Variants in PCDH15 observed in about 807,000 individuals in gnomAD.
PCDH15 encodes the protein protocadherin related 15.
In PCDH15, 129 loss-of-function variants were observed where a neutral mutation model predicts 178.5. That is an observed-to-expected ratio of 0.72 (90% confidence interval 0.63 to 0.84). The LOEUF (loss-of-function observed/expected upper bound fraction) is 0.84, where lower values mean the gene tolerates loss of function less well. PCDH15 is among the 40% of genes least tolerant of loss of function. PCDH15 has a pLI of 0.00. For synonymous variants in PCDH15, 800 were observed against 732.0 expected, an observed-to-expected ratio of 1.09 and a Z score of -1.50; for missense variants, 2,230 against 2,099.9, an observed-to-expected ratio of 1.06 and a Z score of -1.21.
Position 53,859,327 on chromosome 10 carries a change from T to C in PCDH15, c.3718-2064A>G, listed in dbSNP as rs991643793. 8.5e-5 allele frequency among the ~76,000 whole-genome samples: 13 copies of C among 152,128 alleles called. No homozygotes were observed. The East Asian group carries it at 2.5e-3, about 29-fold the overall frequency. On this transcript the variant is annotated intron_variant, in intron 27 of 37. Coordinates refer to ENST00000644397, the MANE Select transcript of PCDH15 (RefSeq NM_001384140.1). ...AGCTCCTGGACCATGATGTGGGTTA[T>C]GGATAGGGTGAGTAGTAGGGAACAT...
intron 3 of PCDH15, among the ~76,000 whole-genome samples, chr10:54,503,264 T>TGTGA (rs35648214): frequency 0.12 from 16,072 of 137,268 alleles, 1,305 homozygotes; most frequent in East Asian, 0.29. Context: ...TGTGTGTGTG[T>TGTGA]GATTATATAT....
At chr10:55,058,621 A>C (rs773738774) in intron 2 of PCDH15, among the ~76,000 whole-genome samples, 5 of 152,210 alleles carry the variant, frequency 3.3e-5, no homozygotes, top group Non-Finnish European at 7.3e-5. Flanking sequence ...TGAAATTAAT[A>C]CACATAATGT....
chr10:54,440,699 A>T (rs1404014591), intron 3 of PCDH15, among the ~76,000 whole-genome samples: 1 of 151,968 alleles, frequency 6.6e-6, no homozygotes, highest in African/African-American at 2.4e-5. Flanking sequence ...ATAACTGCTC[A>T]ATATTTTGGT....
At chr10:55,057,491 A>T (rs993289286) in intron 2 of PCDH15, among the ~76,000 whole-genome samples, 2 of 152,138 alleles carry the variant, frequency 1.3e-5, no homozygotes, top group Non-Finnish European at 2.9e-5. Flanking sequence ...TCAAGAAGCA[A>T]TTTGAGCCCT....
At chr10:54,206,018 C>T (rs1228388932) in intron 10 of PCDH15, among the ~76,000 whole-genome samples, 1 of 151,898 alleles carries the variant, frequency 6.6e-6, no homozygotes, top group Non-Finnish European at 1.5e-5. Context: ...TTTATAAAGC[C>T]TTGTAATATA....
chr10:54,443,481 T>C (rs1396634687), intron 3 of PCDH15, among the ~76,000 whole-genome samples: 1 of 151,002 alleles, frequency 6.6e-6, no homozygotes, highest in Non-Finnish European at 1.5e-5. Context: ...TCTACACAAA[T>C]GTATCAACAA....
intron 3 of PCDH15, among the ~76,000 whole-genome samples, chr10:54,427,847 C>T (rs1468898645): frequency 6.6e-6 from 1 of 152,126 alleles, no homozygotes; most frequent in East Asian, 1.9e-4. Flanking sequence ...AATTCCCTTT[C>T]CTTGAAATTG....
At chr10:55,428,330 G>T (rs778307804) in intron 2 of PCDH15, among the ~76,000 whole-genome samples, 1 of 151,400 alleles carries the variant, frequency 6.6e-6, no homozygotes, top group African/African-American at 2.4e-5. Context: ...TTATCATTTT[G>T]CATCTCTGTC....
At chr10:55,462,250 C>T (rs1028560924) in intron 2 of PCDH15, among the ~76,000 whole-genome samples, 2 of 152,008 alleles carry the variant, frequency 1.3e-5, no homozygotes, top group Non-Finnish European at 2.9e-5. Context: ...ATTTATATGA[C>T]CAAACTTGGG....
chr10:54,919,227 C>T (rs935101854), intron 2 of PCDH15, among the ~76,000 whole-genome samples: 11 of 152,078 alleles, frequency 7.2e-5, no homozygotes, highest in Non-Finnish European at 1.2e-4. Flanking sequence ...ATAAATCAGA[C>T]ATGTGATATT....
chr10:54,288,448 T>C (rs993565524), intron 8 of PCDH15, among the ~76,000 whole-genome samples: 17 of 152,174 alleles, frequency 1.1e-4, no homozygotes, highest in African/African-American at 3.4e-4. Context: ...GCTCCCAGTG[T>C]GACTGACGCA....
In PCDH15 at chr10:54,438,650, C is replaced by G. The variant is rs377463988; in HGVS notation, c.158-59708G>C. Among the ~76,000 whole-genome samples the G allele has an allele frequency of 1.1e-4, 16 of 152,180 alleles. No individual in the cohort carries two copies. In the East Asian group the frequency reaches 2.7e-3, roughly 26 times the overall value. ...TGCCATGTTTAGCTTCATCTTGAAA[C>G]TCTTGAGGACACCTATCAAACTTTC... On this transcript the variant is annotated intron_variant, in intron 3 of 37. Coordinates refer to ENST00000644397, the MANE Select transcript of PCDH15 (RefSeq NM_001384140.1).
chr10:54,708,183 T>C (rs531084931), intron 1 of PCDH15, among the ~76,000 whole-genome samples: 1 of 152,328 alleles, frequency 6.6e-6, no homozygotes, highest in South Asian at 2.1e-4. Context: ...GGACATGTTG[T>C]ATGCCATATG....
At chr10:54,405,761 T>TA (rs1952584132) in intron 3 of PCDH15, among the ~76,000 whole-genome samples, 1 of 150,870 alleles carries the variant, frequency 6.6e-6, no homozygotes, top group African/African-American at 2.4e-5. Context: ...TATGTAACTG[T>TA]AAAAAAGAGA....
intron 1 of PCDH15, among the ~76,000 whole-genome samples, chr10:55,303,859 C>T (rs992148760): frequency 2.6e-5 from 4 of 151,998 alleles, no homozygotes. Flanking sequence ...ACATGGTTGC[C>T]TCTATAGATT....
intron 2 of PCDH15, among the ~76,000 whole-genome samples, chr10:55,529,765 AT>A (rs1841404341): frequency 7.3e-6 from 1 of 136,250 alleles, no homozygotes; most frequent in African/African-American, 2.7e-5. Flanking sequence ...ATATATATAT[AT>A]ATATATATAT....
Position 54,090,059 on chromosome 10 carries a change from G to A in PCDH15, c.1922C>T (p.Thr641Ile), listed in dbSNP as rs1173558030. The A allele has an allele frequency of 6.2e-7, 1 of 1,609,062 alleles. No individual in the cohort carries two copies. ...TGTTATTGAGTCTCCCTCTCGATCAGTTGCCTTCAGAGAGAAAACATAATT... is the reference window on the plus strand; with the variant it reads ...TGTTATTGAGTCTCCCTCTCGATCAATTGCCTTCAGAGAGAAAACATAATT... ...VGAVLLNLQA[T>I]DREGDSITYA... The change falls in exon 16 of 38, where the codon ACT becomes ATT. Residue 641 changes from threonine (T) to isoleucine (I), a missense_variant. Thr to Ile is a moderately conservative substitution (Grantham distance 89). Coordinates refer to ENST00000644397, the MANE Select transcript of PCDH15 (RefSeq NM_001384140.1).
chr10:54,391,988 T>C (rs1565159275), intron 3 of PCDH15, among the ~76,000 whole-genome samples: 4 of 152,172 alleles, frequency 2.6e-5, no homozygotes, highest in Admixed American at 2.0e-4. Flanking sequence ...AAGTGCCATA[T>C]AGTGTGAGGC....
At chr10:54,980,153 T>A (rs1293648764) in intron 2 of PCDH15, among the ~76,000 whole-genome samples, 1 of 152,182 alleles carries the variant, frequency 6.6e-6, no homozygotes, top group Non-Finnish European at 1.5e-5. Flanking sequence ...CCTTGAGCAG[T>A]AGGATATAAA....
Sources: gnomAD v4.1 joint callset for allele counts (sites outside exome capture counted in the v4.1 genomes callset) on GRCh38, gnomAD v4.1.1 for gene constraint, MANE v1.5 for transcripts, NCBI Gene and HGNC (gene_info 2026-07-23, HGNC 2026-07-21) for gene names.